The following SEMA3A variants were observed in gnomAD, a reference collection of about 807,000 sequenced individuals.
SEMA3A encodes semaphorin 3A, also known as semaphorin-3A.
A neutral mutation model predicts 97.9 loss-of-function variants in SEMA3A; 29 were observed. The ratio of observed to expected loss-of-function variants is 0.30; its 90% CI spans 0.22 to 0.40. The LOEUF (loss-of-function observed/expected upper bound fraction) is 0.40, where lower values mean the gene tolerates loss of function less well. SEMA3A is among the 10% of genes least tolerant of loss of function. SEMA3A has a pLI of 1.00. For missense variants in SEMA3A, 763 were observed against 951.3 expected (o/e 0.80, Z 2.60); for synonymous variants, 321 against 323.7 (o/e 0.99, Z 0.09).
At chr7:84,099,284 A>C (rs1794879127) in intron 4 of SEMA3A, among the ~76,000 whole-genome samples, 1 of 57,506 alleles carries the variant, frequency 1.7e-5, no homozygotes, top group Admixed American at 2.7e-4. Context: ...GTTAGCCAGG[A>C]TGGTCTCGAT....
chr7:84,445,516 A>AAAAAAAAG (rs1805391070), intron 1 of SEMA3A, among the ~76,000 whole-genome samples: 9 of 123,634 alleles, frequency 7.3e-5, no homozygotes, highest in East Asian at 2.7e-4. Flanking sequence ...AAAAAAAAAA[A>AAAAAAAAG]AAAAGAAAAG....
At chr7:84,265,421 T>C (rs1309380799) in intron 3 of SEMA3A, among the ~76,000 whole-genome samples, 2 of 147,988 alleles carry the variant, frequency 1.4e-5, no homozygotes, top group Non-Finnish European at 3.0e-5. Context: ...ATATAATATG[T>C]ATGAGATACA....
chr7:84,147,635 C>A (rs942719176), intron 1 of SEMA3A, among the ~76,000 whole-genome samples: 1 of 152,130 alleles, frequency 6.6e-6, no homozygotes, highest in Non-Finnish European at 1.5e-5. Context: ...TGTCTGACAA[C>A]AGGTGCTCAG....
At chr7:84,387,369 C>T (rs1045606102) in intron 1 of SEMA3A, among the ~76,000 whole-genome samples, 78 of 152,162 alleles carry the variant, frequency 5.1e-4, no homozygotes, top group African/African-American at 1.8e-3. Context: ...ATTTTAAATG[C>T]TCTGAAAATT....
intron 2 of SEMA3A, among the ~76,000 whole-genome samples, chr7:84,357,439 TC>T (rs1304290311): frequency 1.3e-5 from 2 of 152,104 alleles, no homozygotes; most frequent in African/African-American, 4.8e-5. Context: ...TCCAGCTTCA[TC>T]CATGTCCCTA....
upstream of SEMA3A, among the ~76,000 whole-genome samples, chr7:84,200,044 C>T (rs1798316748): frequency 6.6e-6 from 1 of 151,866 alleles, no homozygotes; most frequent in African/African-American, 2.4e-5. Flanking sequence ...ATTAACTCTT[C>T]CCTCTCCCTT....
chr7:84,063,045 G>T (rs1319643962), intron 4 of SEMA3A, among the ~76,000 whole-genome samples: 6 of 151,890 alleles, frequency 4.0e-5, no homozygotes, highest in Non-Finnish European at 8.8e-5. Flanking sequence ...GAGAGCAGTG[G>T]TTCTCCCAGC....
chr7:84,459,005 T>C (rs1805756934), intron 1 of SEMA3A, among the ~76,000 whole-genome samples: 1 of 152,030 alleles, frequency 6.6e-6, no homozygotes, highest in African/African-American at 2.4e-5. Context: ...TGACTCACTA[T>C]CTCCCAGCTC....
At chr7:84,324,174 T>C (rs1801721500) in intron 2 of SEMA3A, among the ~76,000 whole-genome samples, 3 of 152,178 alleles carry the variant, frequency 2.0e-5, no homozygotes, top group Non-Finnish European at 4.4e-5. Context: ...AATTACAGTG[T>C]GTGTGAAGAC....
At chr7:84,363,908 A>G (rs896593140) in intron 2 of SEMA3A, among the ~76,000 whole-genome samples, 1 of 151,762 alleles carries the variant, frequency 6.6e-6, no homozygotes, top group African/African-American at 2.4e-5. Context: ...TTGTGAGTGT[A>G]CTGTGCAGTT....
intron 1 of SEMA3A, among the ~76,000 whole-genome samples, chr7:84,414,691 T>C (rs1804383656): frequency 6.6e-6 from 1 of 151,922 alleles, no homozygotes; most frequent in African/African-American, 2.4e-5. Flanking sequence ...ATCAGAAAAT[T>C]TGGCTCTATT....
intron 3 of SEMA3A, among the ~76,000 whole-genome samples, chr7:84,240,611 C>T (rs1010427886): frequency 5.3e-5 from 8 of 152,118 alleles, no homozygotes; most frequent in Non-Finnish European, 2.9e-5. Context: ...ACAGCTAACA[C>T]ATTGATTGGA....
chr7:84,195,030 G>GAGAA (rs2116280703), upstream of SEMA3A: 1 of 133,108 alleles, frequency 7.5e-6, no homozygotes, highest in African/African-American at 3.0e-5. Flanking sequence ...GAGAAAGAGA[G>GAGAA]AGAGAGAGAG....
chr7:84,051,492 C>A (rs1330856096), intron 5 of SEMA3A, among the ~76,000 whole-genome samples: 1 of 152,266 alleles, frequency 6.6e-6, no homozygotes, highest in Non-Finnish European at 1.5e-5. Context: ...GGAGTTCACT[C>A]ATGATTTGGC....
intron 2 of SEMA3A, among the ~76,000 whole-genome samples, chr7:84,349,937 A>T (rs1316694532): frequency 6.6e-6 from 1 of 152,094 alleles, no homozygotes; most frequent in Non-Finnish European, 1.5e-5. Context: ...CCAGATTTAT[A>T]AATCTATCTG....
At chr7:84,261,088 C>A (rs1286608153) in intron 3 of SEMA3A, among the ~76,000 whole-genome samples, 1 of 152,138 alleles carries the variant, frequency 6.6e-6, no homozygotes, top group Non-Finnish European at 1.5e-5. Context: ...AAGGAGATAC[C>A]CAATCTGGGT....
chr7:84,268,606 G>A (rs565287781), intron 3 of SEMA3A, among the ~76,000 whole-genome samples: 38 of 151,928 alleles, frequency 2.5e-4, no homozygotes, highest in Admixed American at 1.6e-3. Context: ...TTTCCTTGAC[G>A]TTCCTAGCAA....
intron 1 of SEMA3A, among the ~76,000 whole-genome samples, chr7:84,188,494 G>T (rs1337011220): frequency 1.3e-5 from 2 of 151,896 alleles, no homozygotes; most frequent in Non-Finnish European, 2.9e-5. Context: ...AGATTAAAAG[G>T]AGTCAGTCTT....
intron 1 of SEMA3A, among the ~76,000 whole-genome samples, chr7:84,464,762 C>G (rs1805947792): frequency 6.6e-6 from 1 of 152,070 alleles, no homozygotes; most frequent in African/African-American, 2.4e-5. Flanking sequence ...TTAGGAATAA[C>G]TAAGAAATAT....
Sources: allele counts gnomAD v4.1 joint callset (sites outside exome capture counted in the v4.1 genomes callset), GRCh38; gene constraint gnomAD v4.1.1; transcripts MANE v1.5; gene names NCBI Gene and HGNC (gene_info 2026-07-23, HGNC 2026-07-21).